Variants in SLC17A3 observed in about 807,000 individuals in gnomAD.
The protein encoded by SLC17A3 is sodium-dependent phosphate transport protein 4.
Under a neutral mutation model 60.3 loss-of-function variants are expected in SLC17A3, and 61 were observed. That is an observed-to-expected ratio of 1.01 (90% confidence interval 0.82 to 1.25). The LOEUF is 1.25. SLC17A3 is among the 50% of genes most tolerant of loss of function. SLC17A3 has a pLI of 0.00. For missense variants in SLC17A3, 624 were observed against 594.9 expected, an observed-to-expected ratio of 1.05 and a Z score of -0.51; for synonymous variants, 192 against 208.9, an observed-to-expected ratio of 0.92 and a Z score of 0.70.
intron 1 of SLC17A3, among the ~76,000 whole-genome samples, chr6:25,870,714 C>T (rs1351065497): frequency 6.6e-6 from 1 of 151,996 alleles, no homozygotes; most frequent in African/African-American, 2.4e-5. Context: ...TTGCTAGAGG[C>T]CCCTACAACA....
chr6:25,863,297 C>T (rs1765482767), intron 2 of SLC17A3, among the ~76,000 whole-genome samples: 3 of 152,102 alleles, frequency 2.0e-5, no homozygotes, highest in Admixed American at 1.3e-4. Context: ...AAGGTTAGGT[C>T]TCTACTCAAC....
chr6:25,854,683 G>A (rs569120051), intron 6 of SLC17A3, among the ~76,000 whole-genome samples: 2 of 152,306 alleles, frequency 1.3e-5, no homozygotes, highest in Middle Eastern at 6.8e-3. Flanking sequence ...CAAATGCGGA[G>A]GTTGGCAAAA....
intron 2 of SLC17A3, among the ~76,000 whole-genome samples, chr6:25,867,767 T>C (rs1367025338): frequency 6.6e-6 from 1 of 151,904 alleles, no homozygotes; most frequent in Non-Finnish European, 1.5e-5. Flanking sequence ...ACAAAGATAT[T>C]CACACTTTGT....
In SLC17A3 at chr6:25,868,378, T is replaced by C. The variant is rs754368052; in HGVS notation, c.10A>G (p.Lys4Glu). The change falls in exon 2 of 13, where the codon AAG (lysine) becomes GAG (glutamate). Residue 4 changes from lysine to glutamate, a missense_variant. Transcript: ENST00000397060. MAT[K>E]TELSPTARES... Reference sequence around the variant, plus strand: ...CTTGCTGTGGGACTCAACTCTGTCTTGGTGGCCATTGTGTTTCTCCTCTCC... The same window carrying C: ...CTTGCTGTGGGACTCAACTCTGTCTCGGTGGCCATTGTGTTTCTCCTCTCC... The C allele has an allele frequency of 2.5e-6, 4 of 1,611,950 alleles. No homozygotes were observed. The Admixed American group carries it at 5.0e-5, about 20-fold the overall frequency.
chr6:25,871,137 G>A (rs1428440481), intron 1 of SLC17A3, among the ~76,000 whole-genome samples: 1 of 152,018 alleles, frequency 6.6e-6, no homozygotes, highest in Non-Finnish European at 1.5e-5. Flanking sequence ...TCCCATTACT[G>A]GGGATATACC....
chr6:25,863,790 T>C (rs149165699), intron 2 of SLC17A3, among the ~76,000 whole-genome samples: 2 of 152,114 alleles, frequency 1.3e-5, no homozygotes, highest in East Asian at 3.9e-4. Flanking sequence ...GGGAGCTGGA[T>C]TGACCACTCT....
At position 25,858,647 on chromosome 6, in the gene SLC17A3, C is replaced by T. The variant is rs893474339; in HGVS notation, c.625+2977G>A. On this transcript the variant is annotated intron_variant, in intron 5 of 12. Coordinates refer to ENST00000397060, the MANE Select transcript of SLC17A3 (RefSeq NM_001098486.2). ...TGTTCTTTCTCTAGGTGGTCTTGTC[C>T]AGGACCAGGGCTTTAAATACCATTT... 2.0e-5 allele frequency among the ~76,000 whole-genome samples: 3 copies of T among 152,102 alleles called. No individual in the cohort carries two copies. In the East Asian group the frequency reaches 5.8e-4, roughly 29 times the overall value.
intron 1 of SLC17A3, 123 bp from the exon 2 acceptor site, chr6:25,868,543 G>T: frequency 1.5e-6 from 1 of 664,944 alleles, no homozygotes; most frequent in African/African-American, 1.8e-5. Context: ...GAGACAGGGA[G>T]GCTCATTATC....
intron 1 of SLC17A3, among the ~76,000 whole-genome samples, chr6:25,868,750 C>T (rs537853993): frequency 8.9e-4 from 136 of 152,088 alleles, no homozygotes; most frequent in Middle Eastern, 3.4e-3. Flanking sequence ...GTTTCCTCAT[C>T]TGTTGTTAAT....
At chr6:25,852,193 G>A (rs1352460031) in intron 6 of SLC17A3, among the ~76,000 whole-genome samples, 5 of 152,102 alleles carry the variant, frequency 3.3e-5, no homozygotes, top group African/African-American at 1.2e-4. Flanking sequence ...GCTTCTAACA[G>A]GAAGGAATGC....
At chr6:25,858,707 G>GT (rs1765399745) in intron 5 of SLC17A3, among the ~76,000 whole-genome samples, 1 of 152,110 alleles carries the variant, frequency 6.6e-6, no homozygotes, top group Admixed American at 6.5e-5. Context: ...AGTATGTCCT[G>GT]TTTTTTCTCA....
chr6:25,846,529 T>C (rs1386090003), intron 11 of SLC17A3, among the ~76,000 whole-genome samples: 1 of 152,160 alleles, frequency 6.6e-6, no homozygotes, highest in Non-Finnish European at 1.5e-5. Context: ...AAAACAGAAG[T>C]CAAGGTAATA....
In SLC17A3 at chr6:25,849,910, A is replaced by T; in HGVS notation, c.1166T>A (p.Leu389His). ...AGTTGCTGTGATATAGCCGGAATTG[A>T]GGTAAGGCAGAGACACAATGAGTGC... is the stretch of plus-strand genomic sequence containing the variant. ...SSALIVSLPY[L>H]NSGYITATAL... The change falls in exon 10 of 13, where the codon CTC becomes CAC. Residue 389 changes from leucine (L) to histidine (H), a missense_variant. Transcript: ENST00000397060. 6.2e-7 allele frequency: 1 copy of T among 1,614,100 alleles called. No individual in the cohort carries two copies. The highest frequency in any genetic ancestry group is 8.5e-7 in the Non-Finnish European group (1 of 1,179,904).
intron 1 of SLC17A3, among the ~76,000 whole-genome samples, chr6:25,873,515 T>TC (rs761022337): frequency 6.6e-6 from 1 of 152,074 alleles, no homozygotes; most frequent in African/African-American, 2.4e-5. Flanking sequence ...CCTTGAGGAC[T>TC]CCCTGATTCC....
intron 11 of SLC17A3, 34 bp downstream of exon 11, chr6:25,849,340 A>G: frequency 1.7e-6 from 2 of 1,156,566 alleles, no homozygotes; most frequent in African/African-American, 3.1e-5. Context: ...TTAGCAGAGC[A>G]TCTTTGGAGT....
Position 25,861,627 on chromosome 6 carries a change from A to T in SLC17A3, c.622T>A (p.Ser208Thr). ...ERSRLCSIAL[S>T]GMLLGCFTAI... Reference sequence around the variant, plus strand: ...CATTTGGATTACATGTCCTTACCTGATAAAGCAATGCTGCAGAGTCTGCTT... The same window carrying T: ...CATTTGGATTACATGTCCTTACCTGTTAAAGCAATGCTGCAGAGTCTGCTT... The change falls in exon 5 of 13, where the codon TCA becomes ACA. Residue 208 changes from serine to threonine, a missense_variant. Coordinates refer to ENST00000397060, the MANE Select transcript of SLC17A3 (RefSeq NM_001098486.2). 6.2e-7 allele frequency: 1 copy of T among 1,613,806 alleles called. No individual in the cohort carries two copies. The highest frequency in any genetic ancestry group is 8.5e-7 in the Non-Finnish European group (1 of 1,179,700).
chr6:25,863,607 A>G (rs563879744), intron 2 of SLC17A3, among the ~76,000 whole-genome samples: 1 of 151,996 alleles, frequency 6.6e-6, no homozygotes, highest in African/African-American at 2.4e-5. Context: ...AAGGGACTTC[A>G]ATCGATGAGA....
chr6:25,868,014 T>C (rs924036937), intron 2 of SLC17A3, among the ~76,000 whole-genome samples: 2 of 151,842 alleles, frequency 1.3e-5, no homozygotes, highest in Non-Finnish European at 2.9e-5. Context: ...AAATATTACA[T>C]GCAATCACAA....
chr6:25,849,537 TG>T, intron 10 of SLC17A3, 73 bp from the exon 11 acceptor site: 1 of 912,142 alleles, frequency 1.1e-6, no homozygotes, highest in Non-Finnish European at 1.8e-6. Context: ...GATCCATGTA[TG>T]AATCTATAAC....
Sources: gnomAD v4.1 joint callset for allele counts (sites outside exome capture counted in the v4.1 genomes callset) on GRCh38, gnomAD v4.1.1 for gene constraint, MANE v1.5 for transcripts, NCBI Gene and HGNC (gene_info 2026-07-23, HGNC 2026-07-21) for gene names.